The following TRABD2A variants were observed in gnomAD, a reference collection of about 807,000 sequenced individuals.
The protein encoded by TRABD2A is metalloprotease TIKI1.
Under a neutral mutation model 45.6 loss-of-function variants are expected in TRABD2A, and 43 were observed. That is an observed-to-expected ratio of 0.94 (90% CI 0.74 to 1.22). The LOEUF (loss-of-function observed/expected upper bound fraction) is 1.22, where lower values mean the gene tolerates loss of function less well. Among genes scored for constraint, TRABD2A ranks in the 50% most tolerant of loss-of-function variants. TRABD2A has a pLI of 0.00. For missense variants in TRABD2A, 642 were observed against 652.4 expected, an observed-to-expected ratio of 0.98 and a Z score of 0.17; for synonymous variants, 269 against 265.0, an observed-to-expected ratio of 1.02 and a Z score of -0.15.
chr2:84,835,118 A>T (rs1233987071), intron 4 of TRABD2A: 1 of 152,238 alleles, frequency 6.6e-6, no homozygotes, highest in Non-Finnish European at 1.5e-5. Flanking sequence ...GCACCACAAC[A>T]ATAGGACTCC....
chr2:84,829,544 CACACACCACACATACCAT>C (rs1260318590), intron 5 of TRABD2A, among the ~76,000 whole-genome samples: 1 of 150,648 alleles, frequency 6.6e-6, no homozygotes, highest in Non-Finnish European at 1.5e-5. Context: ...ATACACAATA[CACACACCACACATACCAT>C]ACACACCACA....
chr2:84,840,702 C>T (rs1295988224), intron 3 of TRABD2A, among the ~76,000 whole-genome samples: 1 of 152,184 alleles, frequency 6.6e-6, no homozygotes, highest in Non-Finnish European at 1.5e-5. Context: ...GACTTTTCTC[C>T]CCCCTTCCCT....
chr2:84,850,134 T>C (rs1051605446), intron 2 of TRABD2A, among the ~76,000 whole-genome samples: 2 of 152,072 alleles, frequency 1.3e-5, no homozygotes, highest in Admixed American at 1.3e-4. Flanking sequence ...AATTGCCAGG[T>C]AGCAAATGCC....
At chr2:84,856,188 CA>C (rs1682296075) in intron 2 of TRABD2A, among the ~76,000 whole-genome samples, 2 of 152,152 alleles carry the variant, frequency 1.3e-5, no homozygotes, top group African/African-American at 4.8e-5. Flanking sequence ...ACCATTCACC[CA>C]GATAATTTTT....
intron 4 of TRABD2A, chr2:84,835,640 C>G (rs1356108290): frequency 6.6e-6 from 1 of 152,334 alleles, no homozygotes. Flanking sequence ...TGGTCTCAAA[C>G]TCCTGAGCTC....
intron 2 of TRABD2A, among the ~76,000 whole-genome samples, chr2:84,864,220 C>A (rs1682598287): frequency 6.6e-6 from 1 of 152,122 alleles, no homozygotes; most frequent in Admixed American, 6.5e-5. Flanking sequence ...AACATGTGAA[C>A]CCCTGGCCCA....
intron 1 of TRABD2A, among the ~76,000 whole-genome samples, chr2:84,871,732 A>C (rs1657826111): frequency 6.6e-6 from 1 of 152,000 alleles, no homozygotes; most frequent in African/African-American, 2.4e-5. Flanking sequence ...TGATCCGCCC[A>C]CCTCAGCCTC....
At chr2:84,875,832 A>C (rs1683008234) in intron 1 of TRABD2A, among the ~76,000 whole-genome samples, 1 of 152,078 alleles carries the variant, frequency 6.6e-6, no homozygotes, top group Admixed American at 6.5e-5. Context: ...GTCTCTACAA[A>C]ATATTTAAAA....
chr2:84,861,066 T>C (rs933801865), intron 2 of TRABD2A, among the ~76,000 whole-genome samples: 1 of 152,124 alleles, frequency 6.6e-6, no homozygotes, highest in African/African-American at 2.4e-5. Context: ...CTGCAAACAC[T>C]TTCCATCAGC....
chr2:84,879,475 C>A (rs1438646839), intron 1 of TRABD2A: 1 of 471,926 alleles, frequency 2.1e-6, no homozygotes, highest in East Asian at 1.5e-4. Context: ...GCTACCATGC[C>A]GGGCTTCTTT....
At chr2:84,824,576 G>T (rs1314688912) in intron 5 of TRABD2A, among the ~76,000 whole-genome samples, 2 of 135,452 alleles carry the variant, frequency 1.5e-5, no homozygotes, top group Admixed American at 1.5e-4. Context: ...TTTGAGATCG[G>T]GTTTCCCTCA....
chr2:84,855,670 T>TC (rs1421717380), intron 2 of TRABD2A, among the ~76,000 whole-genome samples: 1 of 150,690 alleles, frequency 6.6e-6, no homozygotes, highest in Non-Finnish European at 1.5e-5. Flanking sequence ...TCCCCTTGCC[T>TC]CCCCACAGCC....
chr2:84,848,169 G>A (rs993589262), intron 2 of TRABD2A, among the ~76,000 whole-genome samples: 1 of 152,106 alleles, frequency 6.6e-6, no homozygotes. Context: ...CATAACACAT[G>A]TCGATCTCAG....
chr2:84,852,775 C>CCCTG (rs1682140732), intron 2 of TRABD2A, among the ~76,000 whole-genome samples: 1 of 152,116 alleles, frequency 6.6e-6, no homozygotes, highest in Admixed American at 6.5e-5. Flanking sequence ...AGTGACAGCT[C>CCCTG]CCTGAGTGAA....
At chr2:84,862,271 G>C (rs1682525147) in intron 2 of TRABD2A, among the ~76,000 whole-genome samples, 1 of 152,356 alleles carries the variant, frequency 6.6e-6, no homozygotes, top group Admixed American at 6.5e-5. Context: ...GGACTCTTTG[G>C]AGGAGGGATG....
chr2:84,856,587 G>C (rs558165926), intron 2 of TRABD2A, among the ~76,000 whole-genome samples: 1 of 152,158 alleles, frequency 6.6e-6, no homozygotes, highest in Non-Finnish European at 1.5e-5. Context: ...ATTTTAATCT[G>C]AAGAAGTGCT....
chr2:84,824,244 C>A, intron 5 of TRABD2A, 40 bp from the exon 6 acceptor site: 2 of 1,610,556 alleles, frequency 1.2e-6, no homozygotes, highest in South Asian at 1.1e-5. Flanking sequence ...GGAGGAGGGT[C>A]ACACAGCATG....
intron 2 of TRABD2A, among the ~76,000 whole-genome samples, chr2:84,864,863 C>T (rs1308795887): frequency 6.6e-6 from 1 of 152,194 alleles, no homozygotes; most frequent in Non-Finnish European, 1.5e-5. Flanking sequence ...ACCCCTTCCT[C>T]CACAGGAGTC....
At chr2:84,847,757 C>T (rs1681946657) in intron 2 of TRABD2A, among the ~76,000 whole-genome samples, 1 of 152,174 alleles carries the variant, frequency 6.6e-6, no homozygotes, top group African/African-American at 2.4e-5. Flanking sequence ...CTAGGGCTGC[C>T]ATAACAAAAT....
Sources: allele counts gnomAD v4.1 joint callset (sites outside exome capture counted in the v4.1 genomes callset), GRCh38; gene constraint gnomAD v4.1.1; transcripts MANE v1.5; gene names NCBI Gene and HGNC (gene_info 2026-07-23, HGNC 2026-07-21).